Variants in ZFPM2 observed in about 807,000 individuals in gnomAD.
ZFPM2 encodes zinc finger protein, FOG family member 2, also known as zinc finger protein ZFPM2.
Under a neutral mutation model 98.6 loss-of-function variants are expected in ZFPM2, and 20 were observed. The ratio of observed to expected loss-of-function variants is 0.20; its 90% CI spans 0.14 to 0.29. The LOEUF (loss-of-function observed/expected upper bound fraction) is 0.29, where lower values mean the gene tolerates loss of function less well. ZFPM2 is among the 10% of genes least tolerant of loss of function. The pLI, the probability that ZFPM2 is intolerant of heterozygous loss-of-function variation, is 1.00. For missense variants in ZFPM2, 1,310 were observed against 1,388.6 expected (o/e 0.94, Z 0.90); for synonymous variants, 518 against 502.7 (o/e 1.03, Z -0.41).
chr8:105,681,201 C>T (rs1014355430), intron 5 of ZFPM2, among the ~76,000 whole-genome samples: 4 of 152,018 alleles, frequency 2.6e-5, no homozygotes, highest in African/African-American at 9.7e-5. Context: ...TATATGACTC[C>T]TTGTTAGTTC....
chr8:105,654,303 C>G (rs564596008), intron 5 of ZFPM2, among the ~76,000 whole-genome samples: 2 of 152,156 alleles, frequency 1.3e-5, no homozygotes, highest in Admixed American at 6.5e-5. Flanking sequence ...TATATATGCT[C>G]TCTGTCCTGT....
chr8:105,506,724 T>C (rs1215918497), intron 3 of ZFPM2, among the ~76,000 whole-genome samples: 1 of 152,114 alleles, frequency 6.6e-6, no homozygotes, highest in Non-Finnish European at 1.5e-5. Flanking sequence ...GGGTTGAAAG[T>C]AGATACCTTG....
At chr8:105,709,973 T>A (rs997230383) in intron 5 of ZFPM2, among the ~76,000 whole-genome samples, 6 of 151,950 alleles carry the variant, frequency 3.9e-5, no homozygotes, top group African/African-American at 1.5e-4. Context: ...GGGGACATTA[T>A]TTTTTTTAAG....
At chr8:105,693,998 T>TC (rs1411799992) in intron 5 of ZFPM2, among the ~76,000 whole-genome samples, 1 of 82,614 alleles carries the variant, frequency 1.2e-5, no homozygotes, top group African/African-American at 3.6e-5. Context: ...TTTTTTTTTT[T>TC]TTTTGAGATG....
In ZFPM2 at chr8:105,532,973, A is replaced by C. The variant is rs752160810; in HGVS notation, c.302-28390A>C. Among the ~76,000 whole-genome samples the C allele has an allele frequency of 2.6e-5, 4 of 152,184 alleles. No individual in the cohort carries two copies. In the East Asian group the frequency reaches 7.7e-4, roughly 29 times the overall value. On this transcript the variant is annotated intron_variant, in intron 3 of 7. Transcript: ENST00000407775. ...GGAATGTCTGTATCACTACATTAGT[A>C]TTCAGAATGATGCTTTTTATATCAT...
At chr8:105,771,333 A>G (rs1175842000) in intron 5 of ZFPM2, among the ~76,000 whole-genome samples, 1 of 152,124 alleles carries the variant, frequency 6.6e-6, no homozygotes, top group Admixed American at 6.6e-5. Context: ...TCCTATCACA[A>G]CACCATCCAA....
intron 5 of ZFPM2, among the ~76,000 whole-genome samples, chr8:105,743,156 G>T (rs1046253425): frequency 2.0e-5 from 3 of 152,016 alleles, no homozygotes; most frequent in African/African-American, 7.2e-5. Context: ...GTTCATAAGA[G>T]TAAAGTCAGC....
intron 3 of ZFPM2, among the ~76,000 whole-genome samples, chr8:105,446,682 A>G (rs570826614): frequency 1.3e-5 from 2 of 152,288 alleles, no homozygotes; most frequent in East Asian, 1.9e-4. Flanking sequence ...TTCTGGGCAC[A>G]TATGGTTATG....
At chr8:105,733,526 A>G (rs1281326558) in intron 5 of ZFPM2, among the ~76,000 whole-genome samples, 3 of 151,884 alleles carry the variant, frequency 2.0e-5, no homozygotes, top group Non-Finnish European at 4.4e-5. Context: ...ATTCATTCCA[A>G]AAAGTTCACA....
intron 5 of ZFPM2, among the ~76,000 whole-genome samples, chr8:105,775,494 G>T (rs1813085104): frequency 6.6e-6 from 1 of 152,174 alleles, no homozygotes; most frequent in South Asian, 2.1e-4. Flanking sequence ...TGCTGATGAA[G>T]AATGGTATTT....
At position 105,419,172 on chromosome 8, in the gene ZFPM2, GGAA is replaced by G. The variant is rs1563650013; in HGVS notation, c.76_78del (p.Glu26del). ...CGCTTGAAGATGCCATTGAAGATGA[GGAA>G]GAAGAATGTCCATCAGAGGAAACAG... On this transcript the variant is annotated inframe_deletion, in exon 2 of 8. Transcript: ENST00000407775. 1.2e-6 allele frequency: 2 copies of G among 1,613,016 alleles called. No individual in the cohort carries two copies. Among genetic ancestry groups the G allele is most frequent in the South Asian group, 1.1e-5 (1 of 90,866 alleles).
At chr8:105,377,786 A>G in intron 1 of ZFPM2, among the ~76,000 whole-genome samples, 1 of 152,078 alleles carries the variant, frequency 6.6e-6, no homozygotes, top group Admixed American at 6.6e-5. Context: ...TCTCAAAAGA[A>G]AAATAAAGAA....
intron 3 of ZFPM2, among the ~76,000 whole-genome samples, chr8:105,508,739 A>G (rs951886972): frequency 3.3e-5 from 5 of 150,166 alleles, no homozygotes; most frequent in African/African-American, 9.8e-5. Flanking sequence ...ATTTACTTTA[A>G]TTTGTCTGAT....
At chr8:105,649,377 C>T (rs2130864946) in intron 5 of ZFPM2, among the ~76,000 whole-genome samples, 1 of 152,252 alleles carries the variant, frequency 6.6e-6, no homozygotes, top group South Asian at 2.1e-4. Context: ...TTATTTCTTT[C>T]TCCTGCCTGA....
chr8:105,490,242 G>A (rs757678907), intron 3 of ZFPM2, among the ~76,000 whole-genome samples: 16 of 151,698 alleles, frequency 1.1e-4, no homozygotes, highest in Middle Eastern at 3.4e-3. Context: ...GGGAGACTCC[G>A]TCTCAAAAAA....
chr8:105,499,883 A>C (rs16873180), intron 3 of ZFPM2, among the ~76,000 whole-genome samples: 11,030 of 152,264 alleles, frequency 0.072, 1,274 homozygotes, highest in African/African-American at 0.25. Flanking sequence ...TGACAGGATT[A>C]GAGTCAAGGC....
intron 5 of ZFPM2, among the ~76,000 whole-genome samples, chr8:105,637,978 G>C (rs902061137): frequency 2.6e-5 from 4 of 151,760 alleles, no homozygotes; most frequent in Admixed American, 2.6e-4. Context: ...TGTGTTTTGG[G>C]GTAGATGGGT....
intron 3 of ZFPM2, among the ~76,000 whole-genome samples, chr8:105,477,541 C>T (rs1049693330): frequency 2.0e-5 from 3 of 151,834 alleles, no homozygotes; most frequent in African/African-American, 7.3e-5. Context: ...CCGCGCCCCA[C>T]ATGATATCAA....
rs147535885 is a variant in ZFPM2 at position 105,504,958 on chromosome 8, A to G, written c.302-56405A>G. ...AAAAAGAAAAAAGTATTAATAAGGA[A>G]TGATTACCAGTTTTTTTCTGAAACA... On this transcript the variant is annotated intron_variant, in intron 3 of 7. Coordinates refer to ENST00000407775, the MANE Select transcript of ZFPM2 (RefSeq NM_012082.4). Among the ~76,000 whole-genome samples, 57 of 152,260 alleles carry G rather than the reference A, an allele frequency of 3.7e-4. No homozygotes were observed. The East Asian group carries it at 7.3e-3, about 20-fold the overall frequency.
Sources: allele counts gnomAD v4.1 joint callset (sites outside exome capture counted in the v4.1 genomes callset), GRCh38; gene constraint gnomAD v4.1.1; transcripts MANE v1.5; gene names NCBI Gene and HGNC (gene_info 2026-07-23, HGNC 2026-07-21).